Variants in PANX1 observed in about 807,000 individuals in gnomAD.
PANX1 encodes pannexin-1.
A neutral mutation model predicts 38.7 loss-of-function variants in PANX1; 30 were observed. The ratio of observed to expected loss-of-function variants is 0.78; its 90% confidence interval spans 0.58 to 1.05. PANX1 has a LOEUF of 1.05. Among genes scored for constraint, PANX1 ranks in the 50% least tolerant of loss-of-function variants. PANX1 has a pLI of 0.00. For synonymous variants in PANX1, 230 were observed against 212.2 expected (o/e 1.08, Z -0.73); for missense variants, 551 against 517.2 (o/e 1.07, Z -0.63).
chr11:94,129,182 G>T lies in PANX1; in HGVS notation c.-131G>T, dbSNP rs1946593119. 2 of 666,986 alleles carry T rather than the reference G, an allele frequency of 3.0e-6. No individual in the cohort carries two copies. Among genetic ancestry groups the T allele is most frequent in the African/African-American group, 3.8e-5 (2 of 52,952 alleles). The allele number at this position is 666,986 out of a possible 1,614,324, so 41.3% of individuals were successfully genotyped here. ...CTGAGGCACCGAGACACAAAGGCAG[G>T]CGGGATGCGGGAGCAGGCAAAGGGA... On this transcript the variant is annotated 5_prime_UTR_variant, in exon 1 of 5. Transcript: ENST00000227638.
At position 94,153,631 on chromosome 11, in the gene PANX1, G is replaced by T. The variant is rs1203666688; in HGVS notation, c.321+1G>T. On this transcript the variant is annotated splice_donor_variant, in intron 2 of 4. Coordinates refer to ENST00000227638, the MANE Select transcript of PANX1 (RefSeq NM_015368.4). LOFTEE classifies it high-confidence loss of function. ...AAACCTCCCACTGTGGCTGCATAAG[G>T]TAAAGGGAGACATTTCCAAATAGAA... The T allele has an allele frequency of 6.2e-6, 10 of 1,612,432 alleles. No homozygotes were observed. In the Middle Eastern group the frequency reaches 6.6e-4, roughly 106 times the overall value.
intron 2 of PANX1, among the ~76,000 whole-genome samples, chr11:94,168,289 T>C (rs966315149): frequency 6.6e-6 from 1 of 152,120 alleles, no homozygotes; most frequent in Non-Finnish European, 1.5e-5. Context: ...TTAACTATGA[T>C]GCAGGGTAGG....
chr11:94,137,076 C>T (rs1448571103), intron 1 of PANX1, among the ~76,000 whole-genome samples: 1 of 151,956 alleles, frequency 6.6e-6, no homozygotes, highest in Admixed American at 6.6e-5. Flanking sequence ...GAGGCCAAGG[C>T]GAGCGGATCA....
At chr11:94,138,029 A>C (rs1214141657) in intron 1 of PANX1, among the ~76,000 whole-genome samples, 2 of 151,726 alleles carry the variant, frequency 1.3e-5, no homozygotes, top group African/African-American at 4.8e-5. Flanking sequence ...ACTCCTGTAC[A>C]TAATAAACCA....
At chr11:94,144,585 GA>G (rs1946805632) in intron 1 of PANX1, among the ~76,000 whole-genome samples, 1 of 152,144 alleles carries the variant, frequency 6.6e-6, no homozygotes, top group Admixed American at 6.5e-5. Flanking sequence ...GGTTTTTAAT[GA>G]ACTTGGGCCT....
In PANX1 at chr11:94,180,803, C is replaced by T. The variant is rs768591289; in HGVS notation, c.1215C>T (p.Asp405=). The stretch of plus-strand genomic sequence containing the variant: ...CAATTTTGACAGGTATGAACATAGA[C>T]AGTGAAACTAAAGCAAATAATGGAG... ...QTAELQGMNI[D]SETKANNGEK... is the part of the protein sequence containing the mutation. Residue 405 remains aspartate, a synonymous_variant, in exon 5 of 5, where the codon GAC becomes GAT. Coordinates refer to ENST00000227638, the MANE Select transcript of PANX1 (RefSeq NM_015368.4). The T allele has an allele frequency of 6.5e-7, 1 of 1,526,828 alleles. No homozygotes were observed. The highest frequency in any genetic ancestry group is 1.1e-5 in the South Asian group (1 of 89,324). The allele number at this position is 1,526,828 out of a possible 1,614,324, so 94.6% of individuals were successfully genotyped here. A position where few individuals can be genotyped will look rare whatever the true frequency, so the allele number is the denominator to read the frequency against.
At position 94,157,346 on chromosome 11, in the gene PANX1, C is replaced by G. The variant is rs545506690; in HGVS notation, c.321+3716C>G. On this transcript the variant is annotated intron_variant, in intron 2 of 4. Coordinates refer to ENST00000227638, the MANE Select transcript of PANX1 (RefSeq NM_015368.4). ...CACAATGGTTGAACTAGTTTACAGTCCCACCAACAGTGTAAAAGTGTTCCT... is the reference window on the plus strand; with the variant it reads ...CACAATGGTTGAACTAGTTTACAGTGCCACCAACAGTGTAAAAGTGTTCCT... 9.5e-4 allele frequency among the ~76,000 whole-genome samples: 145 copies of G among 152,276 alleles called. 2 individuals are homozygous for G. In the South Asian group the frequency reaches 0.029, roughly 31 times the overall value.
chr11:94,144,192 A>C (rs927795468), intron 1 of PANX1, among the ~76,000 whole-genome samples: 7 of 151,978 alleles, frequency 4.6e-5, no homozygotes, highest in African/African-American at 1.5e-4. Context: ...CTGTTCCTTT[A>C]ACATTTTTCT....
rs947821236 is a variant in PANX1 at position 94,178,360 on chromosome 11, G to A, written c.322-9G>A. 3 of 1,610,100 alleles carry A rather than the reference G, an allele frequency of 1.9e-6. No homozygotes were observed. In the South Asian group the frequency reaches 3.3e-5, roughly 18 times the overall value. ...TGTTAAGCCCATGATTTGTTCTCTT[G>A]TTTTTCAGTTTTTCCCCTACATCCT... On this transcript the variant is annotated splice_polypyrimidine_tract_variant and intron_variant, in intron 2 of 4. Coordinates refer to ENST00000227638, the MANE Select transcript of PANX1 (RefSeq NM_015368.4).
At chr11:94,140,530 T>C (rs1946749607) in intron 1 of PANX1, among the ~76,000 whole-genome samples, 1 of 152,236 alleles carries the variant, frequency 6.6e-6, no homozygotes, top group Non-Finnish European at 1.5e-5. Flanking sequence ...TTTTTAAATG[T>C]GCCACAATTT....
chr11:94,167,293 G>A (rs1272903914), intron 2 of PANX1, among the ~76,000 whole-genome samples: 2 of 152,116 alleles, frequency 1.3e-5, no homozygotes, highest in African/African-American at 2.4e-5. Context: ...TGCCACTTTC[G>A]TTGTTATGTT....
intron 1 of PANX1, among the ~76,000 whole-genome samples, chr11:94,151,303 TCTA>T (rs1318803191): frequency 6.6e-6 from 1 of 152,166 alleles, no homozygotes; most frequent in African/African-American, 2.4e-5. Flanking sequence ...TCCAGGAGTT[TCTA>T]CTGCTGCCTT....
intron 2 of PANX1, among the ~76,000 whole-genome samples, chr11:94,159,805 T>C: frequency 6.6e-6 from 1 of 151,860 alleles, no homozygotes; most frequent in Non-Finnish European, 1.5e-5. Flanking sequence ...CTCTAGTTCT[T>C]TTAATTGTGA....
At chr11:94,166,626 C>T (rs1002598370) in intron 2 of PANX1, among the ~76,000 whole-genome samples, 1 of 152,156 alleles carries the variant, frequency 6.6e-6, no homozygotes, top group African/African-American at 2.4e-5. Context: ...TTATTGTATT[C>T]CTTGAGGTAG....
intron 2 of PANX1, among the ~76,000 whole-genome samples, chr11:94,163,979 A>AT (rs938539654): frequency 1.4e-4 from 21 of 151,778 alleles, no homozygotes; most frequent in African/African-American, 5.1e-4. Flanking sequence ...GTGTCTAGAA[A>AT]TTTATCAATT....
chr11:94,150,645 C>T (rs973825243), intron 1 of PANX1, among the ~76,000 whole-genome samples: 1 of 152,112 alleles, frequency 6.6e-6, no homozygotes, highest in Non-Finnish European at 1.5e-5. Context: ...GTGCCGGTCC[C>T]CTGTACCCTC....
Position 94,157,289 on chromosome 11 carries a change from C to G in PANX1, c.321+3659C>G, listed in dbSNP as rs534952981. 2.6e-5 allele frequency among the ~76,000 whole-genome samples: 4 copies of G among 152,232 alleles called. No individual in the cohort carries two copies. The East Asian group carries it at 7.7e-4, about 29-fold the overall frequency. ...GCTGGGTCAAATGGTATTTCTAGTTCTAGATCCCTGAGGAATCGCCACACT... is the reference window on the plus strand; with the variant it reads ...GCTGGGTCAAATGGTATTTCTAGTTGTAGATCCCTGAGGAATCGCCACACT... On this transcript the variant is annotated intron_variant, in intron 2 of 4. Transcript: ENST00000227638.
intron 4 of PANX1, 140 bp from the exon 5 acceptor site, chr11:94,180,650 G>A (rs1201150866): frequency 5.2e-6 from 3 of 582,308 alleles, no homozygotes; most frequent in South Asian, 2.3e-5. Flanking sequence ...GGGACTAAAA[G>A]TTTATTGATT....
intron 2 of PANX1, among the ~76,000 whole-genome samples, chr11:94,171,242 A>C: frequency 6.6e-6 from 1 of 151,532 alleles, no homozygotes; most frequent in East Asian, 1.9e-4. Context: ...TGGCCACCTC[A>C]TTCTGAACTT....
Sources: allele counts gnomAD v4.1 joint callset (sites outside exome capture counted in the v4.1 genomes callset), GRCh38; gene constraint gnomAD v4.1.1; transcripts MANE v1.5; gene names NCBI Gene and HGNC (gene_info 2026-07-23, HGNC 2026-07-21).